The following TENM4 variants were observed in gnomAD, a reference collection of about 807,000 sequenced individuals.
TENM4 encodes teneurin transmembrane protein 4.
A neutral mutation model predicts 243.3 loss-of-function variants in TENM4; 82 were observed. That is an observed-to-expected ratio of 0.34 (90% confidence interval 0.28 to 0.40). The LOEUF is 0.40. TENM4 is among the 10% of genes least tolerant of loss of function. The probability of loss-of-function intolerance (pLI) is 1.00; values close to 1 mark genes in which losing one functional copy is unlikely to be tolerated. For missense variants in TENM4, 3,138 were observed against 3,673.3 expected, an observed-to-expected ratio of 0.85 and a Z score of 3.77; for synonymous variants, 1,412 against 1,456.3, an observed-to-expected ratio of 0.97 and a Z score of 0.69.
chr11:78,915,860 C>T lies in TENM4; in HGVS notation c.494-12337G>A, dbSNP rs770795880. 2.0e-5 allele frequency among the ~76,000 whole-genome samples: 3 copies of T among 152,138 alleles called. No homozygotes were observed. In the East Asian group the frequency reaches 5.8e-4, roughly 29 times the overall value. On this transcript the variant is annotated intron_variant, in intron 6 of 33. Coordinates refer to ENST00000278550, the MANE Select transcript of TENM4 (RefSeq NM_001098816.3). ...ACCTTTCCCTCCACTTTGTAGCCAT[C>T]AGTAATTTTGAAGAAACGACTTTCT...
intron 7 of TENM4, among the ~76,000 whole-genome samples, chr11:78,900,234 C>T (rs924738966): frequency 2.0e-5 from 3 of 152,216 alleles, no homozygotes; most frequent in Admixed American, 6.5e-5. Context: ...TAGATAATCA[C>T]AGCAGAAAGT....
intron 4 of TENM4, among the ~76,000 whole-genome samples, chr11:79,089,277 C>T (rs1458348643): frequency 1.3e-5 from 2 of 152,230 alleles, no homozygotes; most frequent in African/African-American, 4.8e-5. Context: ...GGCTAGATGG[C>T]TGGAAACTGG....
At chr11:79,424,347 T>C (rs1859002692) in intron 1 of TENM4, among the ~76,000 whole-genome samples, 1 of 152,162 alleles carries the variant, frequency 6.6e-6, no homozygotes, top group Non-Finnish European at 1.5e-5. Context: ...ACACCTACAA[T>C]GCCAGCACTT....
chr11:79,066,641 A>C (rs1227306151), intron 5 of TENM4, among the ~76,000 whole-genome samples: 1 of 150,846 alleles, frequency 6.6e-6, no homozygotes, highest in Non-Finnish European at 1.5e-5. Context: ...TGAACACACA[A>C]GTGCACACAC....
At chr11:78,849,221 G>T (rs1043455756) in intron 12 of TENM4, among the ~76,000 whole-genome samples, 1 of 152,156 alleles carries the variant, frequency 6.6e-6, no homozygotes, top group African/African-American at 2.4e-5. Flanking sequence ...GCATACAAAG[G>T]TATTTTTACT....
intron 25 of TENM4, 80 bp from the exon 26 acceptor site, chr11:78,712,794 G>A: frequency 7.5e-7 from 1 of 1,341,984 alleles, no homozygotes; most frequent in Middle Eastern, 2.2e-4. Flanking sequence ...TGAACCCCTG[G>A]CCCTTTAGAA....
chr11:79,334,419 A>G (rs891994942), intron 1 of TENM4, among the ~76,000 whole-genome samples: 1 of 152,156 alleles, frequency 6.6e-6, no homozygotes, highest in African/African-American at 2.4e-5. Context: ...TCAACCTAGA[A>G]TTTCAGTCTG....
chr11:78,919,266 A>G (rs926037164), intron 6 of TENM4, among the ~76,000 whole-genome samples: 7 of 152,210 alleles, frequency 4.6e-5, no homozygotes, highest in Admixed American at 6.5e-5. Flanking sequence ...GTTTGAAATA[A>G]CCAAGGCTTT....
At chr11:79,048,534 G>A (rs910181239) in intron 6 of TENM4, among the ~76,000 whole-genome samples, 1 of 152,028 alleles carries the variant, frequency 6.6e-6, no homozygotes, top group East Asian at 1.9e-4. Flanking sequence ...ACCCTCTACC[G>A]AGACCCTAAT....
chr11:79,115,173 T>C (rs1409695095), intron 4 of TENM4, among the ~76,000 whole-genome samples: 1 of 152,184 alleles, frequency 6.6e-6, no homozygotes, highest in African/African-American at 2.4e-5. Context: ...AATAAGCACT[T>C]GGATGACGGA....
Position 79,177,020 on chromosome 11 carries a change from C to A in TENM4, c.-162-28214G>T, listed in dbSNP as rs78875278. On this transcript the variant is annotated intron_variant, in intron 3 of 33. Coordinates refer to ENST00000278550, the MANE Select transcript of TENM4 (RefSeq NM_001098816.3). ...TTTCACCCCTTCTCCACTAACCATA[C>A]CCCTGACAGACTAAACTTCACAATA... is the stretch of plus-strand genomic sequence containing the variant. Among the ~76,000 whole-genome samples the A allele has an allele frequency of 9.3e-3, 1,412 of 152,262 alleles. 25 individuals are homozygous for A. Among genetic ancestry groups the A allele is most frequent in the African/African-American group, 0.032 (1,338 of 41,542 alleles).
chr11:79,023,561 C>CAAAAAAAAA, intron 6 of TENM4, among the ~76,000 whole-genome samples: 1 of 113,416 alleles, frequency 8.8e-6, no homozygotes, highest in Non-Finnish European at 1.9e-5. Context: ...GGCTCTGTCT[C>CAAAAAAAAA]AAAAAAAAAA....
chr11:78,993,538 G>A (rs181234147), intron 6 of TENM4, among the ~76,000 whole-genome samples: 20 of 152,160 alleles, frequency 1.3e-4, no homozygotes, highest in African/African-American at 4.6e-4. Context: ...CTGAAGTTCT[G>A]TTCATTTTTT....
chr11:79,001,103 T>C (rs908350897), intron 6 of TENM4, among the ~76,000 whole-genome samples: 1 of 152,054 alleles, frequency 6.6e-6, no homozygotes, highest in Non-Finnish European at 1.5e-5. Flanking sequence ...AATGACCCAA[T>C]CAAAAGGCTG....
In TENM4 at chr11:79,210,968, G is replaced by A. The variant is rs562222340; in HGVS notation, c.-163+4840C>T. On this transcript the variant is annotated intron_variant, in intron 3 of 33. Coordinates refer to ENST00000278550, the MANE Select transcript of TENM4 (RefSeq NM_001098816.3). ...ACTTTTTAAACAACAATCACAAAAA[G>A]CCCCACCTCCTTGGCCTGGCATCCA... 2.0e-5 allele frequency among the ~76,000 whole-genome samples: 3 copies of A among 152,054 alleles called. No individual in the cohort carries two copies. In the South Asian group the frequency reaches 6.2e-4, roughly 32 times the overall value.
chr11:79,042,285 G>C (rs143715151), intron 6 of TENM4, among the ~76,000 whole-genome samples: 2 of 152,240 alleles, frequency 1.3e-5, no homozygotes, highest in African/African-American at 4.8e-5. Flanking sequence ...TCATGCTCCA[G>C]CATTTCCTTG....
At chr11:79,374,037 A>G (rs1857840262) in intron 1 of TENM4, among the ~76,000 whole-genome samples, 1 of 152,198 alleles carries the variant, frequency 6.6e-6, no homozygotes, top group South Asian at 2.1e-4. Context: ...ATGGACCAGG[A>G]ACAATCAATA....
At chr11:79,341,732 T>C (rs1857245255) in intron 1 of TENM4, among the ~76,000 whole-genome samples, 1 of 152,164 alleles carries the variant, frequency 6.6e-6, no homozygotes, top group Non-Finnish European at 1.5e-5. Flanking sequence ...ATGTAAAAAA[T>C]GGAATGTCTG....
At chr11:78,753,107 A>G (rs1392374452) in intron 19 of TENM4, among the ~76,000 whole-genome samples, 2 of 152,196 alleles carry the variant, frequency 1.3e-5, no homozygotes, top group Non-Finnish European at 2.9e-5. Context: ...ACAAAACTGG[A>G]AAGTGGATGC....
Sources: allele counts gnomAD v4.1 joint callset (sites outside exome capture counted in the v4.1 genomes callset), GRCh38; gene constraint gnomAD v4.1.1; transcripts MANE v1.5; gene names NCBI Gene and HGNC (gene_info 2026-07-23, HGNC 2026-07-21).